The following CASP10 variants were observed in gnomAD, a reference collection of about 807,000 sequenced individuals.
CASP10 encodes caspase 10, also known as caspase-10.
In CASP10, 41 loss-of-function variants were observed where a neutral mutation model predicts 48.5. That is an observed-to-expected ratio of 0.85 (90% CI 0.66 to 1.10). The LOEUF is 1.10. Among genes scored for constraint, CASP10 ranks in the 50% least tolerant of loss-of-function variants. The probability of loss-of-function intolerance (pLI) is 0.00; values close to 1 mark genes in which losing one functional copy is unlikely to be tolerated. For synonymous variants in CASP10, 232 were observed against 238.4 expected (o/e 0.97, Z 0.25); for missense variants, 614 against 614.5 (o/e 1.00, Z 0.01).
chr2:201,209,352 A>G lies in CASP10; in HGVS notation c.1205A>G (p.Gln402Arg), dbSNP rs1438515403. Residue 402 changes from glutamine to arginine, a missense_variant, in exon 9 of 10, where the codon CAA becomes CGA. By Grantham distance (43) the Gln-to-Arg change is conservative (BLOSUM62 1). Coordinates refer to ENST00000286186, the MANE Select transcript of CASP10 (RefSeq NM_032977.4). ...AAACTCTTTTTCATCCAGGCCTGCC[A>G]AGGTGAAGAGATACAGCCTTCCGTA... ...KPKLFFIQAC[Q>R]GEEIQPSVSI... is the part of the protein sequence containing the mutation. The G allele has an allele frequency of 6.2e-7, 1 of 1,613,154 alleles. No individual in the cohort carries two copies. Among genetic ancestry groups the G allele is most frequent in the Non-Finnish European group, 8.5e-7 (1 of 1,179,314 alleles).
At chr2:201,229,054 C>G (rs532888760) in exon 10 of CASP10, 46 of 1,614,186 alleles carry the variant, frequency 2.8e-5, no homozygotes, top group Non-Finnish European at 3.6e-5. Flanking sequence ...ACCTCGACCC[C>G]CCATGCGCAG....
Position 201,203,733 on chromosome 2 carries a change from G to A in CASP10, c.688G>A (p.Glu230Lys). The change falls in exon 6 of 10, where the codon GAG (glutamate) becomes AAG (lysine). Residue 230 changes from glutamate to lysine, a missense_variant. By Grantham distance (56) the Glu-to-Lys change is moderately conservative (BLOSUM62 1). Transcript: ENST00000286186. ...VKTFLEALPQ[E>K]SWQNKHAGSN... ...GCCCTCCTTTCTTTTTTCTCAGCAG[G>A]AGTCCTGGCAAAATAAGCATGCAGG... The A allele has an allele frequency of 6.2e-7, 1 of 1,613,650 alleles. No individual in the cohort carries two copies. Among genetic ancestry groups the A allele is most frequent in the East Asian group, 2.2e-5 (1 of 44,864 alleles).
At position 201,209,184 on chromosome 2, in the gene CASP10, C is replaced by A; in HGVS notation, c.1037C>A (p.Ala346Asp). Residue 346 changes from alanine to aspartate, a missense_variant, in exon 9 of 10, where the codon GCC (alanine) becomes GAC (aspartate). By Grantham distance (126) the Ala-to-Asp change is moderately radical. Coordinates refer to ENST00000286186, the MANE Select transcript of CASP10 (RefSeq NM_032977.4). ...LQKQKCNPAHADGDCFVFCIL... is the reference protein window; with the variant it reads ...LQKQKCNPAHDDGDCFVFCIL... The stretch of plus-strand genomic sequence containing the variant: ...AAGCAGAAGTGCAATCCAGCCCATG[C>A]CGACGGGGACTGCTTCGTGTTCTGT... The A allele has an allele frequency of 1.2e-6, 2 of 1,612,590 alleles. No individual in the cohort carries two copies. The highest frequency in any genetic ancestry group is 2.2e-5 in the South Asian group (2 of 91,040).
rs1343503941 is a variant in CASP10 at position 201,209,382 on chromosome 2, T to A, written c.1235T>A (p.Ile412Asn). The change falls in exon 9 of 10, where the codon ATC becomes AAC. Residue 412 changes from isoleucine (I) to asparagine (N), a missense_variant. Ile to Asn is a moderately radical substitution (Grantham distance 149). Transcript: ENST00000286186. ...QGEEIQPSVS[I>N]EADALNPEQA... ...GAAGAGATACAGCCTTCCGTATCCA[T>A]CGAAGCAGATGCTCTGAACCCTGAG... The A allele has an allele frequency of 6.2e-7, 1 of 1,614,046 alleles. No individual in the cohort carries two copies. The highest frequency in any genetic ancestry group is 8.5e-7 in the Non-Finnish European group (1 of 1,180,038).
Position 201,219,765 on chromosome 2 carries a change from G to A in CASP10, c.*2024G>A. 1.1e-6 allele frequency: 1 copy of A among 946,578 alleles called. No individual in the cohort carries two copies. The allele number at this position is 946,578 out of a possible 1,614,324, so 58.6% of individuals were successfully genotyped here. ...TTTTTCTCTGTTAATTCCTGGAACTGTATTTTGAATCCTTAAAGGTGAGCC... is the reference window on the plus strand; with the variant it reads ...TTTTTCTCTGTTAATTCCTGGAACTATATTTTGAATCCTTAAAGGTGAGCC... On this transcript the variant is annotated 3_prime_UTR_variant, in exon 10 of 10. Transcript: ENST00000286186.
intron 5 of CASP10, among the ~76,000 whole-genome samples, chr2:201,198,539 C>CTTTTT (rs34234167): frequency 2.5e-4 from 22 of 87,978 alleles, no homozygotes; most frequent in African/African-American, 4.9e-4. Flanking sequence ...TTTTTTAATT[C>CTTTTT]TTTTTTTTTT....
chr2:201,221,903 T>C (rs745380580), downstream of CASP10, among the ~76,000 whole-genome samples: 1 of 152,102 alleles, frequency 6.6e-6, no homozygotes, highest in Non-Finnish European at 1.5e-5. Flanking sequence ...TACCCAGACA[T>C]CAGAACATAG....
In CASP10 at chr2:201,219,960, G is replaced by C. The variant is rs1339504443; in HGVS notation, c.*2219G>C. The C allele has an allele frequency of 1.0e-6, 1 of 985,210 alleles. No individual in the cohort carries two copies. Among genetic ancestry groups the C allele is most frequent in the Non-Finnish European group, 1.2e-6 (1 of 829,924 alleles). 61.0% of individuals were successfully genotyped at this position (985,210 alleles called of 1,614,324 possible). ...GAAGGGCATTAGGAGTGTTTCATTT[G>C]ATATGTGAATGCTCATAAAAAAATG... On this transcript the variant is annotated 3_prime_UTR_variant, in exon 10 of 10. Transcript: ENST00000286186.
At chr2:201,206,282 G>A (rs2126042605) in intron 7 of CASP10, 1 of 230,180 alleles carries the variant, frequency 4.3e-6, no homozygotes, top group Admixed American at 5.2e-5. Context: ...ATCCATTGAA[G>A]CCACTTGTTT....
chr2:201,218,662 T>TGAG lies in CASP10; in HGVS notation c.*922_*924dup, dbSNP rs2126063287. On this transcript the variant is annotated 3_prime_UTR_variant, in exon 10 of 10. Coordinates refer to ENST00000286186, the MANE Select transcript of CASP10 (RefSeq NM_032977.4). ...CAAAAACCACGTTCTTAGCCTAGAT[T>TGAG]GAGCTTAGATTGCCTCTCTAGACAA... 1.0e-6 allele frequency: 1 copy of TGAG among 985,416 alleles called. No individual in the cohort carries two copies. Among genetic ancestry groups the TGAG allele is most frequent in the South Asian group, 4.7e-5 (1 of 21,282 alleles). The allele number at this position is 985,416 out of a possible 1,614,324, so 61.0% of individuals were successfully genotyped here.
intron 9 of CASP10, among the ~76,000 whole-genome samples, chr2:201,210,521 AG>A (rs1437378086): frequency 6.6e-6 from 1 of 152,118 alleles, no homozygotes; most frequent in Non-Finnish European, 1.5e-5. Context: ...TCATCTTCCC[AG>A]CTCTCTCCAG....
At chr2:201,202,915 C>T (rs1049677074) in intron 5 of CASP10, among the ~76,000 whole-genome samples, 1 of 152,098 alleles carries the variant, frequency 6.6e-6, no homozygotes, top group Non-Finnish European at 1.5e-5. Context: ...ATCCTTGCCT[C>T]TCCTCCCCAC....
chr2:201,205,923 G>A lies in CASP10; in HGVS notation c.763G>A (p.Gly255Arg), dbSNP rs746191869. 10 of 1,613,350 alleles carry A rather than the reference G, an allele frequency of 6.2e-6. No individual in the cohort carries two copies. The highest frequency in any genetic ancestry group is 1.6e-4 in the Middle Eastern group (1 of 6,082). Reference sequence around the variant, plus strand: ...TGGTGCACCAAGCCTGGTCTCCAGGGGGATGCAAGGAGCATCTGCTAACAC... The same window carrying A: ...TGGTGCACCAAGCCTGGTCTCCAGGAGGATGCAAGGAGCATCTGCTAACAC... ...TNGAPSLVSR[G>R]MQGASANTLN... Residue 255 changes from glycine to arginine, a missense_variant, in exon 7 of 10, where the codon GGG becomes AGG. By Grantham distance (125) the Gly-to-Arg change is moderately radical. Coordinates refer to ENST00000286186, the MANE Select transcript of CASP10 (RefSeq NM_032977.4).
In CASP10 at chr2:201,218,003, T is replaced by G. The variant is rs769002360; in HGVS notation, c.*262T>G. On this transcript the variant is annotated 3_prime_UTR_variant, in exon 10 of 10. Coordinates refer to ENST00000286186, the MANE Select transcript of CASP10 (RefSeq NM_032977.4). ...ATCACGGCTCACTGTAGTCTCGACC[T>G]CCCAGGCTCAAGCTGTCCTCCCGCC... The G allele has an allele frequency of 2.0e-5, 19 of 961,228 alleles. No individual in the cohort carries two copies. The highest frequency in any genetic ancestry group is 2.6e-5 in the Non-Finnish European group (19 of 719,478). 59.5% of individuals were successfully genotyped at this position (961,228 alleles called of 1,614,324 possible).
chr2:201,229,163 C>G lies in CASP10; in HGVS notation c.*80C>G, dbSNP rs1295554116. 2.5e-6 allele frequency: 4 copies of G among 1,569,512 alleles called. No individual in the cohort carries two copies. The African/African-American group carries it at 5.4e-5, about 21-fold the overall frequency. ...CAACGCCCTACAGCAAGACGGAAAC[C>G]TCCCTTTACAGCACCACCTTGCGAT... On this transcript the variant is annotated 3_prime_UTR_variant, in exon 10 of 10. Coordinates refer to the CASP10 transcript ENST00000272879.
chr2:201,199,123 G>A (rs1049021661), intron 5 of CASP10, among the ~76,000 whole-genome samples: 2 of 152,060 alleles, frequency 1.3e-5, no homozygotes, highest in African/African-American at 4.8e-5. Flanking sequence ...CTTTTTGAGA[G>A]TAAGTTGCAT....
chr2:201,187,541 G>A (rs1576065704), intron 2 of CASP10, 165 bp from the exon 3 acceptor site: 5 of 682,786 alleles, frequency 7.3e-6, no homozygotes, highest in Admixed American at 4.4e-5. Context: ...AAGTCACTTA[G>A]AAACTGAAAG....
At chr2:201,199,236 T>C (rs1944924647) in intron 5 of CASP10, among the ~76,000 whole-genome samples, 1 of 152,220 alleles carries the variant, frequency 6.6e-6, no homozygotes, top group African/African-American at 2.4e-5. Flanking sequence ...AGTAAAGTTA[T>C]GTTAATATAA....
chr2:201,213,182 T>TGGA (rs1945457102), intron 9 of CASP10: 1 of 152,214 alleles, frequency 6.6e-6, no homozygotes, highest in South Asian at 2.1e-4. Flanking sequence ...TTGTTAGGCA[T>TGGA]GGAGGCATGA....
Sources: gnomAD v4.1 joint callset for allele counts (sites outside exome capture counted in the v4.1 genomes callset) on GRCh38, gnomAD v4.1.1 for gene constraint, MANE v1.5 for transcripts, NCBI Gene and HGNC (gene_info 2026-07-23, HGNC 2026-07-21) for gene names.